Variants in ARHGAP32 observed in about 807,000 individuals in gnomAD.
ARHGAP32 encodes Rho GTPase activating protein 32, also known as rho GTPase-activating protein 32.
In ARHGAP32, 51 loss-of-function variants were observed where a neutral mutation model predicts 186.5. The ratio of observed to expected loss-of-function variants is 0.27; its 90% CI spans 0.22 to 0.35. The LOEUF is 0.35. Among genes scored for constraint, ARHGAP32 ranks in the 10% least tolerant of loss-of-function variants. The pLI, the probability that ARHGAP32 is intolerant of heterozygous loss-of-function variation, is 1.00. For missense variants in ARHGAP32, 2,186 were observed against 2,623.5 expected, an observed-to-expected ratio of 0.83 and a Z score of 3.64; for synonymous variants, 950 against 964.3, an observed-to-expected ratio of 0.99 and a Z score of 0.27.
intron 6 of ARHGAP32, among the ~76,000 whole-genome samples, chr11:129,081,153 T>A (rs1340463572): frequency 6.6e-6 from 1 of 152,000 alleles, no homozygotes; most frequent in East Asian, 1.9e-4. Flanking sequence ...CAGGACCAGA[T>A]GGATTCACAG....
At chr11:129,272,916 A>T (rs1164922712) in intron 1 of ARHGAP32, among the ~76,000 whole-genome samples, 1 of 152,218 alleles carries the variant, frequency 6.6e-6, no homozygotes. Flanking sequence ...CTACTAAATC[A>T]ATTACGCAGA....
intron 5 of ARHGAP32, among the ~76,000 whole-genome samples, chr11:129,108,983 A>G (rs1363084576): frequency 3.3e-5 from 5 of 152,210 alleles, no homozygotes; most frequent in Admixed American, 3.3e-4. Flanking sequence ...AACTATAGTC[A>G]TCCTACTCTG....
chr11:129,037,560 T>G (rs984326536), intron 11 of ARHGAP32, among the ~76,000 whole-genome samples: 2 of 151,958 alleles, frequency 1.3e-5, no homozygotes, highest in Admixed American at 1.3e-4. Context: ...GTTCAGGGAT[T>G]AGAAGACTTA....
chr11:129,198,404 T>C (rs771053334), intron 1 of ARHGAP32, among the ~76,000 whole-genome samples: 1 of 152,222 alleles, frequency 6.6e-6, no homozygotes, highest in Non-Finnish European at 1.5e-5. Context: ...TCATCTTGAA[T>C]TGTAGCTCCC....
rs60940372 is a variant in ARHGAP32 at position 129,086,017 on chromosome 11, C to CAAA, written c.531+7601_531+7603dup. 2.1e-3 allele frequency among the ~76,000 whole-genome samples: 272 copies of CAAA among 127,900 alleles called. 1 individual carries two copies. The highest frequency in any genetic ancestry group is 3.9e-3 in the Middle Eastern group (1 of 254). 83.9% of individuals were successfully genotyped at this position (127,900 alleles called of 152,430 possible). A position where few individuals can be genotyped will look rare whatever the true frequency, so the allele number is the denominator to read the frequency against. ...TCAAAAAAACAAACAAACAAACAAA[C>CAAA]AAAAAAAAAAAACAAAAAAAAGAAG... On this transcript the variant is annotated intron_variant, in intron 6 of 22. Transcript: ENST00000682385.
At chr11:129,238,249 A>G (rs751676832) in intron 1 of ARHGAP32, among the ~76,000 whole-genome samples, 8 of 152,190 alleles carry the variant, frequency 5.3e-5, no homozygotes, top group Non-Finnish European at 7.3e-5. Context: ...CTTCATATTA[A>G]AAGATTTTTC....
intron 1 of ARHGAP32, among the ~76,000 whole-genome samples, chr11:129,215,582 C>A (rs951401675): frequency 6.6e-6 from 1 of 152,076 alleles, no homozygotes; most frequent in South Asian, 2.1e-4. Flanking sequence ...TTCTAAAGGC[C>A]ATTTACATTC....
At chr11:128,988,496 A>G (rs988029898) in intron 12 of ARHGAP32, among the ~76,000 whole-genome samples, 2 of 152,228 alleles carry the variant, frequency 1.3e-5, no homozygotes, top group East Asian at 1.9e-4. Context: ...TAAGAAATAC[A>G]GCTGTTCAGC....
intron 11 of ARHGAP32, among the ~76,000 whole-genome samples, chr11:129,001,624 C>T (rs1002183217): frequency 5.9e-5 from 9 of 152,178 alleles, no homozygotes; most frequent in African/African-American, 2.2e-4. Flanking sequence ...TGATGTGATC[C>T]CACTGTCCAT....
chr11:129,076,134 A>G (rs1941036107), intron 6 of ARHGAP32, among the ~76,000 whole-genome samples: 1 of 152,182 alleles, frequency 6.6e-6, no homozygotes, highest in Non-Finnish European at 1.5e-5. Flanking sequence ...AAATGAGATA[A>G]CAACGTCAAG....
At position 128,972,268 on chromosome 11, in the gene ARHGAP32, G is replaced by C. The variant is rs975873084; in HGVS notation, c.4053+185C>G. On this transcript the variant is annotated intron_variant, in intron 22 of 22. Transcript: ENST00000682385. Reference sequence around the variant, plus strand: ...TCATCTAGGAGCTACTCCTTTCCTGGGGAAAAGCCAGCATCAAGGTAATGG... The same window carrying C: ...TCATCTAGGAGCTACTCCTTTCCTGCGGAAAAGCCAGCATCAAGGTAATGG... 1.2e-5 allele frequency: 6 copies of C among 504,506 alleles called. 1 individual carries two copies. The South Asian group carries it at 3.5e-4, about 29-fold the overall frequency. The allele number at this position is 504,506 out of a possible 1,614,324, so 31.3% of individuals were successfully genotyped here. A position where few individuals can be genotyped will look rare whatever the true frequency, so the allele number is the denominator to read the frequency against.
chr11:129,257,297 TC>T (rs1411294757), intron 1 of ARHGAP32, among the ~76,000 whole-genome samples: 2 of 152,166 alleles, frequency 1.3e-5, no homozygotes, highest in Admixed American at 6.5e-5. Context: ...TAGAAGCAAT[TC>T]TCTGTGGTAC....
chr11:129,176,460 C>G (rs1424022581), intron 1 of ARHGAP32, among the ~76,000 whole-genome samples: 1 of 80,160 alleles, frequency 1.2e-5, no homozygotes, highest in Non-Finnish European at 3.1e-5. Context: ...ACAGAACTCT[C>G]CACCCCAAAT....
At chr11:129,269,389 A>T (rs892764135) in intron 1 of ARHGAP32, among the ~76,000 whole-genome samples, 1 of 152,200 alleles carries the variant, frequency 6.6e-6, no homozygotes, top group African/African-American at 2.4e-5. Context: ...GGTAATCATG[A>T]TGGTCTCTCT....
rs554577626 is a variant in ARHGAP32, at chr11:129,046,624, A to G, written c.964-5615T>C. Among the ~76,000 whole-genome samples the G allele has an allele frequency of 4.3e-4, 65 of 152,308 alleles. 1 individual carries two copies. In the South Asian group the frequency reaches 0.013, roughly 30 times the overall value. ...AAAAAGAAAACCCGGTTTGGCTTCT[A>G]AAGTGAGTGTATGTGCTGAAAAATA... On this transcript the variant is annotated intron_variant, in intron 10 of 22. Transcript: ENST00000682385.
chr11:129,066,079 T>C lies in ARHGAP32; in HGVS notation c.669+652A>G, dbSNP rs981922239. On this transcript the variant is annotated intron_variant, in intron 7 of 22. Coordinates refer to ENST00000682385, the MANE Select transcript of ARHGAP32 (RefSeq NM_001378024.1). Reference sequence around the variant, plus strand: ...GACAGCTTCACTTTCTCTCAGAGGATAGTAATCATCCTTCGAAAAGCCTTG... The same window carrying C: ...GACAGCTTCACTTTCTCTCAGAGGACAGTAATCATCCTTCGAAAAGCCTTG... 5.9e-5 allele frequency among the ~76,000 whole-genome samples: 9 copies of C among 152,176 alleles called. No individual in the cohort carries two copies. The South Asian group carries it at 6.2e-4, about 10-fold the overall frequency.
chr11:129,097,758 G>T (rs1427966189), intron 5 of ARHGAP32, among the ~76,000 whole-genome samples: 1 of 152,106 alleles, frequency 6.6e-6, no homozygotes, highest in East Asian at 1.9e-4. Flanking sequence ...TATTTGAAAA[G>T]ATAATGGCCC....
At chr11:129,025,423 A>G (rs1938792523) in intron 11 of ARHGAP32, among the ~76,000 whole-genome samples, 1 of 152,250 alleles carries the variant, frequency 6.6e-6, no homozygotes, top group Non-Finnish European at 1.5e-5. Flanking sequence ...GAAAGATCAT[A>G]GAGAATTCCA....
At chr11:129,182,154 T>C (rs1944069225) in intron 1 of ARHGAP32, among the ~76,000 whole-genome samples, 1 of 152,140 alleles carries the variant, frequency 6.6e-6, no homozygotes, top group African/African-American at 2.4e-5. Flanking sequence ...CCTTAATTTA[T>C]TTAACTAATC....
Sources: gnomAD v4.1 joint callset for allele counts (sites outside exome capture counted in the v4.1 genomes callset) on GRCh38, gnomAD v4.1.1 for gene constraint, MANE v1.5 for transcripts, NCBI Gene and HGNC (gene_info 2026-07-23, HGNC 2026-07-21) for gene names.